The following SUGCT variants were observed in gnomAD, a reference collection of about 807,000 sequenced individuals.
SUGCT encodes the protein succinyl-CoA:glutarate-CoA transferase, also known as succinyl-CoA:glutarate CoA-transferase.
A neutral mutation model predicts 55.0 loss-of-function variants in SUGCT; 41 were observed. The ratio of observed to expected loss-of-function variants is 0.74; its 90% CI spans 0.58 to 0.97. SUGCT has a LOEUF of 0.97. Among genes scored for constraint, SUGCT ranks in the 50% least tolerant of loss-of-function variants. The probability of loss-of-function intolerance (pLI) is 0.00; values close to 1 mark genes in which losing one functional copy is unlikely to be tolerated. For missense variants in SUGCT, 568 were observed against 547.8 expected (o/e 1.04, Z -0.37); for synonymous variants, 187 against 200.4 (o/e 0.93, Z 0.56).
chr7:40,398,380 C>G (rs1785863380), intron 9 of SUGCT, among the ~76,000 whole-genome samples: 1 of 152,200 alleles, frequency 6.6e-6, no homozygotes, highest in Non-Finnish European at 1.5e-5. Context: ...GTGTGAGCCA[C>G]CATGCCTGGC....
At chr7:40,917,559 A>T in the SUGCT span, among the ~76,000 whole-genome samples, 6 of 152,200 alleles carry the variant, frequency 3.9e-5, no homozygotes, top group Non-Finnish European at 5.9e-5. Context: ...AGTTACAGAC[A>T]TACCCAGGAT....
chr7:40,205,791 T>C lies in SUGCT; in HGVS notation c.484+10731T>C, dbSNP rs11981003. ...CTACTTCAATTCCCAGATATTTTTA[T>C]TTTTCTGATACTATTGATTTAAAAA... On this transcript the variant is annotated intron_variant, in intron 6 of 13. Coordinates refer to ENST00000335693, the MANE Select transcript of SUGCT (RefSeq NM_001193313.2). 9.4e-3 allele frequency among the ~76,000 whole-genome samples: 1,431 copies of C among 152,268 alleles called. 20 individuals carry two copies. The highest frequency in any genetic ancestry group is 0.032 in the African/African-American group (1,318 of 41,534).
intron 13 of SUGCT, among the ~76,000 whole-genome samples, chr7:40,801,084 C>A (rs1366126830): frequency 1.3e-5 from 2 of 152,198 alleles, no homozygotes; most frequent in Non-Finnish European, 2.9e-5. Flanking sequence ...CTTGTTCACA[C>A]AGCAATAGTT....
chr7:40,378,230 T>C (rs77214205), intron 9 of SUGCT, among the ~76,000 whole-genome samples: 3,219 of 152,146 alleles, frequency 0.021, 109 homozygotes, highest in African/African-American at 0.074. Flanking sequence ...CCTCTTTTTT[T>C]TGGGACTCCT....
At chr7:40,440,971 G>A (rs543889250) in intron 9 of SUGCT, among the ~76,000 whole-genome samples, 1 of 151,552 alleles carries the variant, frequency 6.6e-6, no homozygotes, top group African/African-American at 2.4e-5. Context: ...AAAAAAAAAA[G>A]ATCTCACTGG....
At chr7:40,265,084 A>C (rs1472861297) in intron 7 of SUGCT, among the ~76,000 whole-genome samples, 1 of 152,232 alleles carries the variant, frequency 6.6e-6, no homozygotes, top group Non-Finnish European at 1.5e-5. Context: ...ATGCTAGAAA[A>C]ATTTATATTT....
chr7:40,280,899 A>C (rs1792907923), intron 8 of SUGCT, among the ~76,000 whole-genome samples: 1 of 152,154 alleles, frequency 6.6e-6, no homozygotes, highest in African/African-American at 2.4e-5. Context: ...CTTGCCGATG[A>C]GGCTAGAATG....
At chr7:40,406,061 A>G (rs552180057) in intron 9 of SUGCT, among the ~76,000 whole-genome samples, 1 of 152,164 alleles carries the variant, frequency 6.6e-6, no homozygotes, top group East Asian at 1.9e-4. Flanking sequence ...TTTGGAGCAT[A>G]GGGTTTTTCG....
chr7:40,279,623 A>T (rs571619005), intron 8 of SUGCT, among the ~76,000 whole-genome samples: 60 of 151,538 alleles, frequency 4.0e-4, no homozygotes, highest in African/African-American at 1.3e-3. Context: ...GTAATGTTAG[A>T]TTAAAAAGTT....
chr7:40,974,074 A>T, the SUGCT span, among the ~76,000 whole-genome samples: 2 of 152,208 alleles, frequency 1.3e-5, no homozygotes, highest in African/African-American at 2.4e-5. Context: ...TGCATTCTCA[A>T]GATGGTTTAT....
At chr7:40,431,492 A>G (rs1422703612) in intron 9 of SUGCT, among the ~76,000 whole-genome samples, 1 of 152,054 alleles carries the variant, frequency 6.6e-6, no homozygotes, top group Non-Finnish European at 1.5e-5. Context: ...TGGGATTTTG[A>G]TAGGAATTTT....
chr7:40,620,717 T>C (rs1799225489), intron 12 of SUGCT, among the ~76,000 whole-genome samples: 1 of 152,132 alleles, frequency 6.6e-6, no homozygotes, highest in Non-Finnish European at 1.5e-5. Context: ...ACTCTTAACA[T>C]AGTATGGTAC....
intron 9 of SUGCT, among the ~76,000 whole-genome samples, chr7:40,406,205 C>T (rs964623866): frequency 3.3e-5 from 5 of 152,074 alleles, no homozygotes; most frequent in African/African-American, 1.2e-4. Context: ...GTGTACTAGT[C>T]TGGATGACGC....
chr7:40,842,741 A>G (rs1190130468), intron 13 of SUGCT, among the ~76,000 whole-genome samples: 1 of 152,208 alleles, frequency 6.6e-6, no homozygotes, highest in Non-Finnish European at 1.5e-5. Flanking sequence ...CTTTATACTC[A>G]AAGATTTCAC....
intron 13 of SUGCT, among the ~76,000 whole-genome samples, chr7:40,833,359 A>T (rs1376571134): frequency 6.6e-6 from 1 of 152,066 alleles, no homozygotes; most frequent in Non-Finnish European, 1.5e-5. Flanking sequence ...CCCATTTGTG[A>T]TGTAAAGTTC....
At chr7:40,286,385 C>T (rs1481797731) in intron 8 of SUGCT, among the ~76,000 whole-genome samples, 1 of 152,074 alleles carries the variant, frequency 6.6e-6, no homozygotes, top group Non-Finnish European at 1.5e-5. Flanking sequence ...AGGAGAACCC[C>T]TTTTTTTAAG....
At chr7:40,249,207 A>T (rs1790137492) in intron 7 of SUGCT, among the ~76,000 whole-genome samples, 1 of 149,958 alleles carries the variant, frequency 6.7e-6, no homozygotes, top group African/African-American at 2.5e-5. Context: ...TGGGAGGATT[A>T]CTTGAGCCCA....
rs1419582788 is a variant in SUGCT at position 40,587,890 on chromosome 7, CTTCT to C, written c.1089+91513_1089+91516del. ...ATATCCTCCTTTTATATTTCTTTTT[CTTCT>C]TTCTTTCTGTTTTTTTTTTTTTTTT... On this transcript the variant is annotated intron_variant, in intron 12 of 13. Transcript: ENST00000335693. 2.7e-5 allele frequency among the ~76,000 whole-genome samples: 4 copies of C among 149,540 alleles called. No homozygotes were observed. In the East Asian group the frequency reaches 7.8e-4, roughly 29 times the overall value.
the SUGCT span, among the ~76,000 whole-genome samples, chr7:40,906,348 A>G: frequency 6.6e-6 from 1 of 152,152 alleles, no homozygotes; most frequent in Admixed American, 6.5e-5. Context: ...AGAACTGGGG[A>G]AACATTGGCC....
Sources: gnomAD v4.1 joint callset for allele counts (sites outside exome capture counted in the v4.1 genomes callset) on GRCh38, gnomAD v4.1.1 for gene constraint, MANE v1.5 for transcripts, NCBI Gene and HGNC (gene_info 2026-07-23, HGNC 2026-07-21) for gene names.